Variants in SMYD2 observed in about 807,000 individuals in gnomAD.
The protein encoded by SMYD2 is N-lysine methyltransferase SMYD2.
A neutral mutation model predicts 59.1 loss-of-function variants in SMYD2; 53 were observed. The ratio of observed to expected loss-of-function variants is 0.90; its 90% confidence interval spans 0.72 to 1.13. The LOEUF (loss-of-function observed/expected upper bound fraction) is 1.13, where lower values mean the gene tolerates loss of function less well. Among genes scored for constraint, SMYD2 ranks in the 50% most tolerant of loss-of-function variants. The pLI, the probability that SMYD2 is intolerant of heterozygous loss-of-function variation, is 0.00. For synonymous variants in SMYD2, 208 were observed against 198.8 expected (o/e 1.05, Z -0.39); for missense variants, 494 against 544.7 (o/e 0.91, Z 0.93).
chr1:214,309,051 G>A (rs543069656), intron 2 of SMYD2, among the ~76,000 whole-genome samples: 4 of 152,306 alleles, frequency 2.6e-5, no homozygotes, highest in South Asian at 2.1e-4. Context: ...CATGGAGTAA[G>A]GCTTCTTAGG....
chr1:214,288,577 T>C (rs1439310812), intron 1 of SMYD2, among the ~76,000 whole-genome samples: 2 of 152,220 alleles, frequency 1.3e-5, no homozygotes, highest in African/African-American at 2.4e-5. Flanking sequence ...CTTGATTGAA[T>C]AGAATTTATA....
intron 2 of SMYD2, among the ~76,000 whole-genome samples, chr1:214,306,888 T>C (rs180928127): frequency 6.6e-6 from 1 of 152,320 alleles, no homozygotes; most frequent in East Asian, 1.9e-4. Context: ...TGGCAAGTTA[T>C]GGCTGGGCGC....
rs749543193 is a variant in SMYD2 at position 214,336,713 on chromosome 1, A to G, written c.1231A>G (p.Ile411Val). The change falls in exon 12 of 12, where the codon ATC (isoleucine) becomes GTC (valine). Residue 411 changes from isoleucine (I) to valine (V), a missense_variant. Transcript: ENST00000366957. ...TCTTGCTTTTTCCTAGGCCATTGCA[A>G]TCATGGAAGTAGCTCACGGCAAAGA... ...GEKALKKAIA[I>V]MEVAHGKDHP... 2 of 1,613,904 alleles carry G rather than the reference A, an allele frequency of 1.2e-6. No homozygotes were observed. The highest frequency in any genetic ancestry group is 2.2e-5 in the East Asian group (1 of 44,852).
chr1:214,316,278 C>G (rs147158632), intron 3 of SMYD2, among the ~76,000 whole-genome samples: 122 of 152,148 alleles, frequency 8.0e-4, no homozygotes, highest in African/African-American at 2.8e-3. Flanking sequence ...CGAGACCAGC[C>G]TTGGCAACAA....
At chr1:214,282,493 C>CA (rs1491573389) in intron 1 of SMYD2, among the ~76,000 whole-genome samples, 1 of 152,144 alleles carries the variant, frequency 6.6e-6, no homozygotes, top group Non-Finnish European at 1.5e-5. Flanking sequence ...CTTTGAACCT[C>CA]AGTTTCTTCA....
chr1:214,324,581 T>A (rs750611045), intron 5 of SMYD2, 60 bp from the exon 6 acceptor site: 48 of 1,418,320 alleles, frequency 3.4e-5, no homozygotes, highest in Admixed American at 3.2e-4. Context: ...AAAAAAATGA[T>A]CTCTACCCAG....
chr1:214,284,168 A>G (rs560955200), intron 1 of SMYD2, among the ~76,000 whole-genome samples: 2 of 151,808 alleles, frequency 1.3e-5, no homozygotes, highest in African/African-American at 4.8e-5. Flanking sequence ...TGTCCCTATC[A>G]GACTTCTCAG....
At chr1:214,288,246 A>G (rs555609134) in intron 1 of SMYD2, among the ~76,000 whole-genome samples, 6 of 152,244 alleles carry the variant, frequency 3.9e-5, no homozygotes, top group Non-Finnish European at 7.3e-5. Flanking sequence ...ATTTCCAGAT[A>G]CATTCTTATT....
chr1:214,294,990 G>T (rs965233137), intron 1 of SMYD2, among the ~76,000 whole-genome samples: 1 of 152,070 alleles, frequency 6.6e-6, no homozygotes, highest in African/African-American at 2.4e-5. Flanking sequence ...AATAATATTG[G>T]TATTCATTAC....
chr1:214,292,890 A>G (rs1656658733), intron 1 of SMYD2, among the ~76,000 whole-genome samples: 1 of 151,990 alleles, frequency 6.6e-6, no homozygotes, highest in African/African-American at 2.4e-5. Context: ...TTTCTCTGTA[A>G]TATTTCCTTC....
At chr1:214,336,007 A>C (rs937754413) in intron 11 of SMYD2, among the ~76,000 whole-genome samples, 2 of 152,218 alleles carry the variant, frequency 1.3e-5, no homozygotes, top group Non-Finnish European at 2.9e-5. Flanking sequence ...AATAGCTTTG[A>C]TATAAAATTC....
At chr1:214,319,943 C>T (rs1657143434) in intron 5 of SMYD2, among the ~76,000 whole-genome samples, 1 of 152,308 alleles carries the variant, frequency 6.6e-6, no homozygotes, top group Admixed American at 6.5e-5. Flanking sequence ...CCCAGTAACT[C>T]TGTTTGCAGG....
At chr1:214,296,327 T>A (rs1656726877) in intron 1 of SMYD2, among the ~76,000 whole-genome samples, 2 of 152,272 alleles carry the variant, frequency 1.3e-5, no homozygotes, top group Admixed American at 6.5e-5. Context: ...TCTTCTAAGT[T>A]CTGTTCCAGT....
At chr1:214,335,939 G>A (rs1414142225) in intron 11 of SMYD2, among the ~76,000 whole-genome samples, 1 of 152,104 alleles carries the variant, frequency 6.6e-6, no homozygotes, top group Non-Finnish European at 1.5e-5. Flanking sequence ...TATGCTTTTC[G>A]AAAGGGAAAA....
chr1:214,326,751 G>T (rs1267250697), intron 6 of SMYD2, among the ~76,000 whole-genome samples: 2 of 152,100 alleles, frequency 1.3e-5, no homozygotes, highest in East Asian at 3.9e-4. Context: ...GCAGGAGAGG[G>T]GCTGTGGTCT....
intron 1 of SMYD2, among the ~76,000 whole-genome samples, chr1:214,291,332 A>G (rs1178545655): frequency 6.6e-6 from 1 of 152,206 alleles, no homozygotes; most frequent in African/African-American, 2.4e-5. Context: ...GTCATGAAGA[A>G]CATTCTGTTA....
intron 1 of SMYD2, among the ~76,000 whole-genome samples, chr1:214,302,534 C>T (rs961591267): frequency 6.6e-6 from 1 of 152,178 alleles, no homozygotes; most frequent in African/African-American, 2.4e-5. Flanking sequence ...GGGACCCCAG[C>T]AGTCTGTAGA....
At chr1:214,299,999 G>A (rs1656795849) in intron 1 of SMYD2, among the ~76,000 whole-genome samples, 1 of 152,310 alleles carries the variant, frequency 6.6e-6, no homozygotes, top group Middle Eastern at 3.4e-3. Flanking sequence ...AGGAGAGAGG[G>A]GAGGGAGCAA....
chr1:214,297,930 A>G (rs1052158058), intron 1 of SMYD2, among the ~76,000 whole-genome samples: 3 of 152,220 alleles, frequency 2.0e-5, no homozygotes, highest in African/African-American at 7.2e-5. Flanking sequence ...AAAACATTCC[A>G]TTCTCATGGA....
Sources: gnomAD v4.1 joint callset for allele counts (sites outside exome capture counted in the v4.1 genomes callset) on GRCh38, gnomAD v4.1.1 for gene constraint, MANE v1.5 for transcripts, NCBI Gene and HGNC (gene_info 2026-07-23, HGNC 2026-07-21) for gene names.